The following PHF24 variants were observed in gnomAD, a reference collection of about 807,000 sequenced individuals.
PHF24 encodes the protein PHD finger protein 24.
PHF24 carries 25 observed loss-of-function variants against 42.6 expected under a neutral mutation model. That is an observed-to-expected ratio of 0.59 (90% confidence interval 0.43 to 0.82). The LOEUF (loss-of-function observed/expected upper bound fraction) is 0.82. PHF24 is among the 40% of genes least tolerant of loss of function. The pLI, the probability that PHF24 is intolerant of heterozygous loss-of-function variation, is 0.00. For synonymous variants in PHF24, 185 were observed against 204.8 expected, an observed-to-expected ratio of 0.90 and a Z score of 0.83; for missense variants, 470 against 538.1, an observed-to-expected ratio of 0.87 and a Z score of 1.25.
At chr9:34,970,505 C>T (rs959941526) in intron 1 of PHF24, among the ~76,000 whole-genome samples, 2 of 152,068 alleles carry the variant, frequency 1.3e-5, no homozygotes, top group Admixed American at 1.3e-4. Flanking sequence ...CACATGGATA[C>T]GGGTGGCAGA....
chr9:34,874,172 T>C, the PHF24 span, among the ~76,000 whole-genome samples: 1 of 152,140 alleles, frequency 6.6e-6, no homozygotes, highest in African/African-American at 2.4e-5. Flanking sequence ...CTTTTCCTAA[T>C]TGAATACCCT....
chr9:34,856,477 A>G, the PHF24 span, among the ~76,000 whole-genome samples: 1 of 151,880 alleles, frequency 6.6e-6, no homozygotes, highest in Non-Finnish European at 1.5e-5. Flanking sequence ...TGTTGATGTT[A>G]TTGTTGTTGT....
At chr9:34,975,078 A>T (rs1029489035) in intron 3 of PHF24, among the ~76,000 whole-genome samples, 8 of 152,090 alleles carry the variant, frequency 5.3e-5, no homozygotes, top group Non-Finnish European at 1.0e-4. Context: ...CATCTTCCAC[A>T]CAGCAGCCAG....
the PHF24 span, among the ~76,000 whole-genome samples, chr9:34,772,122 T>G: frequency 6.6e-6 from 1 of 152,142 alleles, no homozygotes; most frequent in South Asian, 2.1e-4. Flanking sequence ...GATTTCAGTA[T>G]CTTTATGCCA....
At chr9:34,713,901 G>A in the PHF24 span, among the ~76,000 whole-genome samples, 1 of 152,238 alleles carries the variant, frequency 6.6e-6, no homozygotes, top group Admixed American at 6.5e-5. Context: ...GGAAGAGGAG[G>A]AAATGAGTGT....
the PHF24 span, among the ~76,000 whole-genome samples, chr9:34,842,356 G>A: frequency 2.0e-5 from 3 of 152,122 alleles, no homozygotes; most frequent in Admixed American, 2.0e-4. Flanking sequence ...ATACCCAGGA[G>A]TAGAATGACT....
At chr9:34,862,082 C>T in the PHF24 span, among the ~76,000 whole-genome samples, 1 of 152,140 alleles carries the variant, frequency 6.6e-6, no homozygotes, top group South Asian at 2.1e-4. Context: ...GTGGAAGGGG[C>T]AAGACAGCTG....
chr9:34,976,371 G>A, intron 4 of PHF24, 141 bp downstream of exon 4: 1 of 968,096 alleles, frequency 1.0e-6, no homozygotes, highest in Non-Finnish European at 1.6e-6. Context: ...TTGTTGGCCA[G>A]CAGAGTCACC....
chr9:34,831,284 G>A, the PHF24 span, among the ~76,000 whole-genome samples: 1 of 152,270 alleles, frequency 6.6e-6, no homozygotes, highest in East Asian at 1.9e-4. Context: ...GGTAGATCCT[G>A]GGAGGGGATT....
the PHF24 span, among the ~76,000 whole-genome samples, chr9:34,845,471 C>T: frequency 8.5e-5 from 13 of 152,090 alleles, no homozygotes; most frequent in South Asian, 2.7e-3. Context: ...TTAATTCTTA[C>T]TCTTTATCTT....
chr9:34,699,548 A>G, the PHF24 span, among the ~76,000 whole-genome samples: 342 of 152,270 alleles, frequency 2.2e-3, 1 homozygote, highest in African/African-American at 7.7e-3. Context: ...TGAGCATGCC[A>G]TTTGTTTCCT....
chr9:34,775,705 G>C, the PHF24 span, among the ~76,000 whole-genome samples: 4 of 151,844 alleles, frequency 2.6e-5, no homozygotes, highest in African/African-American at 9.7e-5. Context: ...TTTCCCAAAG[G>C]GTTAAACATA....
chr9:34,708,414 C>T, the PHF24 span, among the ~76,000 whole-genome samples: 2 of 152,152 alleles, frequency 1.3e-5, no homozygotes, highest in Non-Finnish European at 2.9e-5. Context: ...ACAACAGCCC[C>T]ATTAAACAAA....
chr9:34,712,492 C>T, the PHF24 span, among the ~76,000 whole-genome samples: 4 of 151,940 alleles, frequency 2.6e-5, no homozygotes, highest in Non-Finnish European at 5.9e-5. Flanking sequence ...TTTTAATTGT[C>T]TTATCATCAA....
intron 3 of PHF24, 82 bp from the exon 4 acceptor site, chr9:34,976,070 G>C: frequency 1.0e-6 from 1 of 956,866 alleles, no homozygotes; most frequent in Non-Finnish European, 1.7e-6. Flanking sequence ...CTTTCCAGTT[G>C]AAATTCTATT....
At chr9:34,673,472 T>C in the PHF24 span, among the ~76,000 whole-genome samples, 78 of 152,028 alleles carry the variant, frequency 5.1e-4, 1 homozygote, top group East Asian at 0.015. Context: ...TTGTTGTTGT[T>C]GTTTGTTTGT....
chr9:34,895,077 C>T, the PHF24 span: 16 of 398,490 alleles, frequency 4.0e-5, no homozygotes, highest in South Asian at 1.3e-4. Flanking sequence ...TTGGACTCTT[C>T]GGTGACACTT....
the PHF24 span, among the ~76,000 whole-genome samples, chr9:34,900,722 C>A: frequency 2.0e-5 from 3 of 152,192 alleles, no homozygotes; most frequent in Non-Finnish European, 4.4e-5. Context: ...CCCAATGTAA[C>A]AGTTTTGGGA....
chr9:34,833,073 G>A, the PHF24 span: 137 of 1,524,942 alleles, frequency 9.0e-5, no homozygotes, highest in Non-Finnish European at 1.1e-4. Flanking sequence ...TCAGCAGGGC[G>A]TCTCTCTTCT....
Sources: gnomAD v4.1 joint callset for allele counts (sites outside exome capture counted in the v4.1 genomes callset) on GRCh38, gnomAD v4.1.1 for gene constraint, MANE v1.5 for transcripts, NCBI Gene and HGNC (gene_info 2026-07-23, HGNC 2026-07-21) for gene names.